CA10: variants seen among roughly 807,000 people sequenced by gnomAD.
CA10 encodes carbonic anhydrase-related protein 10.
A neutral mutation model predicts 44.2 loss-of-function variants in CA10; 14 were observed. That is an observed-to-expected ratio of 0.32 (90% CI 0.21 to 0.50). The LOEUF (loss-of-function observed/expected upper bound fraction) is 0.50. Among genes scored for constraint, CA10 ranks in the 20% least tolerant of loss-of-function variants. The pLI is 0.99. For missense variants in CA10, 350 were observed against 409.7 expected (o/e 0.85, Z 1.26); for synonymous variants, 159 against 141.6 (o/e 1.12, Z -0.87).
intron 1 of CA10, among the ~76,000 whole-genome samples, chr17:52,141,704 C>A (rs1989483634): frequency 6.6e-6 from 1 of 152,054 alleles, no homozygotes; most frequent in Admixed American, 6.5e-5. Flanking sequence ...AGTCCACAGG[C>A]TGTTGTTTGC....
At chr17:52,039,034 T>G (rs1440668694) in intron 2 of CA10, among the ~76,000 whole-genome samples, 4 of 152,136 alleles carry the variant, frequency 2.6e-5, no homozygotes, top group Admixed American at 2.6e-4. Context: ...TTTCTAAAAT[T>G]TTTCCCAACT....
At chr17:52,125,558 C>G (rs572766042) in intron 1 of CA10, among the ~76,000 whole-genome samples, 1 of 152,096 alleles carries the variant, frequency 6.6e-6, no homozygotes, top group East Asian at 1.9e-4. Context: ...TCCAGGAGTA[C>G]CCTATATGTA....
chr17:51,787,132 GTCTT>G (rs1414859352), intron 3 of CA10, among the ~76,000 whole-genome samples: 2 of 152,132 alleles, frequency 1.3e-5, no homozygotes, highest in African/African-American at 4.8e-5. Context: ...GCCTGCAGTT[GTCTT>G]TCTTTGATGT....
At chr17:51,826,878 C>T (rs566209649) in intron 3 of CA10, among the ~76,000 whole-genome samples, 1 of 152,332 alleles carries the variant, frequency 6.6e-6, no homozygotes, top group Admixed American at 6.5e-5. Context: ...ATTCAAATAG[C>T]TAAAGGCAGT....
At chr17:52,070,595 T>G (rs566055339) in intron 2 of CA10, 2 of 152,230 alleles carry the variant, frequency 1.3e-5, no homozygotes, top group Non-Finnish European at 2.9e-5. Flanking sequence ...TGATCACACT[T>G]GCACACGTTA....
intron 3 of CA10, among the ~76,000 whole-genome samples, chr17:51,777,144 G>A (rs1460055348): frequency 6.6e-6 from 1 of 152,218 alleles, no homozygotes; most frequent in Non-Finnish European, 1.5e-5. Context: ...GCTTACAATT[G>A]TGTGAATAGT....
intron 4 of CA10, among the ~76,000 whole-genome samples, chr17:51,723,407 G>A (rs969750165): frequency 3.9e-5 from 6 of 152,154 alleles, no homozygotes; most frequent in South Asian, 2.1e-4. Flanking sequence ...TATGAGAAAC[G>A]TGGTTCAGAA....
intron 2 of CA10, among the ~76,000 whole-genome samples, chr17:52,044,434 G>C (rs1775612468): frequency 6.6e-6 from 1 of 151,978 alleles, no homozygotes; most frequent in Non-Finnish European, 1.5e-5. Context: ...TTCTCAAATA[G>C]CTGGGACTAT....
chr17:51,887,256 C>G (rs1370522314), intron 3 of CA10, among the ~76,000 whole-genome samples: 2 of 152,026 alleles, frequency 1.3e-5, no homozygotes, highest in Non-Finnish European at 2.9e-5. Flanking sequence ...TAAATACCCC[C>G]TCCAATAGAA....
chr17:51,951,596 CT>C (rs1983486177), intron 2 of CA10, among the ~76,000 whole-genome samples: 1 of 152,092 alleles, frequency 6.6e-6, no homozygotes, highest in Admixed American at 6.5e-5. Context: ...ATACAAATAC[CT>C]TTTTGTCCTC....
intron 2 of CA10, among the ~76,000 whole-genome samples, chr17:52,008,826 A>T (rs1005691751): frequency 2.6e-5 from 4 of 151,900 alleles, no homozygotes; most frequent in Non-Finnish European, 5.9e-5. Context: ...CTTTCCAAAC[A>T]GAAGAGCTGA....
chr17:51,943,620 A>G (rs1185890581), intron 2 of CA10, among the ~76,000 whole-genome samples: 1 of 152,076 alleles, frequency 6.6e-6, no homozygotes, highest in Non-Finnish European at 1.5e-5. Flanking sequence ...TTACTTTCCT[A>G]TGCATGGAGT....
intron 2 of CA10, among the ~76,000 whole-genome samples, chr17:51,954,117 C>A (rs984385740): frequency 1.3e-5 from 2 of 151,938 alleles, no homozygotes; most frequent in Non-Finnish European, 2.9e-5. Flanking sequence ...ACTTTTTAAA[C>A]TAAAGTGTTA....
At chr17:52,144,466 G>T (rs1162645974) in intron 1 of CA10, among the ~76,000 whole-genome samples, 1 of 152,074 alleles carries the variant, frequency 6.6e-6, no homozygotes, top group Non-Finnish European at 1.5e-5. Context: ...TAAATTTAAA[G>T]TGCAGTTGTA....
At chr17:51,715,153 G>A (rs1443004591) in intron 4 of CA10, among the ~76,000 whole-genome samples, 1 of 152,030 alleles carries the variant, frequency 6.6e-6, no homozygotes, top group Admixed American at 6.6e-5. Context: ...ACTCATAGGT[G>A]GGAATTGAAC....
intron 1 of CA10, among the ~76,000 whole-genome samples, chr17:52,116,808 C>A (rs1057387805): frequency 3.3e-5 from 5 of 152,082 alleles, no homozygotes; most frequent in African/African-American, 1.2e-4. Flanking sequence ...TCCCTGTGCA[C>A]ACCAGTAAGA....
chr17:51,898,051 T>G (rs1981149306), intron 3 of CA10, among the ~76,000 whole-genome samples: 1 of 152,022 alleles, frequency 6.6e-6, no homozygotes, highest in Non-Finnish European at 1.5e-5. Flanking sequence ...TTTGGGTGTC[T>G]TTTCTTTCTT....
chr17:51,903,917 G>A (rs1411388111), intron 3 of CA10, among the ~76,000 whole-genome samples: 4 of 152,038 alleles, frequency 2.6e-5, no homozygotes, highest in East Asian at 1.9e-4. Flanking sequence ...GGGTTCCCTG[G>A]ATGTACCAGG....
chr17:51,649,088 G>C (rs1214409598), intron 6 of CA10, 94 bp downstream of exon 6: 1 of 811,918 alleles, frequency 1.2e-6, no homozygotes, highest in East Asian at 2.5e-5. Flanking sequence ...AAACTGAAAA[G>C]GGCCCATGGA....
Sources: allele counts gnomAD v4.1 joint callset (sites outside exome capture counted in the v4.1 genomes callset), GRCh38; gene constraint gnomAD v4.1.1; transcripts MANE v1.5; gene names NCBI Gene and HGNC (gene_info 2026-07-23, HGNC 2026-07-21).